GRID2: variants seen among roughly 807,000 people sequenced by gnomAD.
GRID2 encodes glutamate ionotropic receptor delta type subunit 2, also known as glutamate receptor ionotropic, delta-2.
GRID2 carries 33 observed loss-of-function variants against 114.8 expected under a neutral mutation model. That is an observed-to-expected ratio of 0.29 (90% CI 0.22 to 0.38). The LOEUF (loss-of-function observed/expected upper bound fraction) is 0.38, where lower values mean the gene tolerates loss of function less well. Ranked by LOEUF, GRID2 falls within the 10% of genes least tolerant of loss-of-function variation. The probability of loss-of-function intolerance (pLI) is 1.00; values close to 1 mark genes in which losing one functional copy is unlikely to be tolerated. For missense variants in GRID2, 1,184 were observed against 1,257.7 expected (o/e 0.94, Z 0.89); for synonymous variants, 505 against 449.9 (o/e 1.12, Z -1.55).
At chr4:93,766,784 G>C (rs866727374) in intron 14 of GRID2, among the ~76,000 whole-genome samples, 4 of 152,090 alleles carry the variant, frequency 2.6e-5, no homozygotes, top group African/African-American at 9.7e-5. Flanking sequence ...TAAGGGATGT[G>C]CCATTATTTT....
chr4:93,014,519 C>G (rs2149236858), intron 2 of GRID2, among the ~76,000 whole-genome samples: 1 of 152,060 alleles, frequency 6.6e-6, no homozygotes, highest in East Asian at 1.9e-4. Context: ...CAATCCAGGC[C>G]CCCACAGAAA....
intron 13 of GRID2, among the ~76,000 whole-genome samples, chr4:93,599,122 CT>C (rs1301175196): frequency 2.0e-5 from 3 of 152,212 alleles, no homozygotes; most frequent in Non-Finnish European, 4.4e-5. Context: ...TCTCCTTTCA[CT>C]TCTGGTCTGA....
rs1038885004 is a variant in GRID2, at chr4:92,965,342, G to A, written c.245-119653G>A. On this transcript the variant is annotated intron_variant, in intron 2 of 15. Coordinates refer to ENST00000282020, the MANE Select transcript of GRID2 (RefSeq NM_001510.4). Reference sequence around the variant, plus strand: ...ACAATGAAAAAGTTTGAAATATATTGAGAATTACCAAAGTGTGACACAGAG... The same window carrying A: ...ACAATGAAAAAGTTTGAAATATATTAAGAATTACCAAAGTGTGACACAGAG... 2.0e-5 allele frequency among the ~76,000 whole-genome samples: 3 copies of A among 150,708 alleles called. No homozygotes were observed. In the East Asian group the frequency reaches 5.9e-4, roughly 30 times the overall value.
intron 8 of GRID2, among the ~76,000 whole-genome samples, chr4:93,337,782 C>T (rs747390803): frequency 1.3e-5 from 2 of 152,140 alleles, no homozygotes; most frequent in Non-Finnish European, 2.9e-5. Context: ...TAAATTTAAA[C>T]GTTTGCTTTA....
chr4:92,936,063 A>C (rs1156376291), intron 2 of GRID2, among the ~76,000 whole-genome samples: 2 of 145,316 alleles, frequency 1.4e-5, no homozygotes, highest in African/African-American at 4.9e-5. Flanking sequence ...AAGAAATTTA[A>C]ATGCTGTCTA....
At chr4:92,946,146 G>C (rs1560731971) in intron 2 of GRID2, among the ~76,000 whole-genome samples, 1 of 152,026 alleles carries the variant, frequency 6.6e-6, no homozygotes, top group Admixed American at 6.6e-5. Context: ...TCCTTAAAAT[G>C]ATTCATTGAC....
chr4:93,041,881 C>CAT (rs1251171641), intron 2 of GRID2, among the ~76,000 whole-genome samples: 1 of 151,876 alleles, frequency 6.6e-6, no homozygotes, highest in Non-Finnish European at 1.5e-5. Context: ...AATATACACA[C>CAT]ATATATATTT....
rs1193482512 is a variant in GRID2 at position 92,935,897 on chromosome 4, T to A, written c.245-149098T>A. ...CTGGGGACTGTTGTGGGGTGGGGGCTGGGGGGAGGGATAGCATTAAGAGAT... is the reference window on the plus strand; with the variant it reads ...CTGGGGACTGTTGTGGGGTGGGGGCAGGGGGGAGGGATAGCATTAAGAGAT... On this transcript the variant is annotated intron_variant, in intron 2 of 15. Coordinates refer to ENST00000282020, the MANE Select transcript of GRID2 (RefSeq NM_001510.4). 3.5e-5 allele frequency among the ~76,000 whole-genome samples: 2 copies of A among 57,438 alleles called. 1 individual carries two copies. The highest frequency in any genetic ancestry group is 5.0e-4 in the Admixed American group (2 of 4,028). The allele number at this position is 57,438 out of a possible 152,430, so 37.7% of individuals were successfully genotyped here. A position where few individuals can be genotyped will look rare whatever the true frequency, so the allele number is the denominator to read the frequency against.
chr4:93,264,876 A>G (rs1444600764), intron 8 of GRID2, among the ~76,000 whole-genome samples: 2 of 151,186 alleles, frequency 1.3e-5, no homozygotes, highest in Non-Finnish European at 2.9e-5. Flanking sequence ...TCTGCCTCCC[A>G]GATTCAAGTG....
chr4:93,345,672 C>T (rs1179933493), intron 8 of GRID2, among the ~76,000 whole-genome samples: 8 of 151,722 alleles, frequency 5.3e-5, no homozygotes, highest in South Asian at 2.1e-4. Flanking sequence ...GTTTTGTTGC[C>T]GTTACCTGTG....
At chr4:92,848,905 T>G in intron 2 of GRID2, among the ~76,000 whole-genome samples, 1 of 151,878 alleles carries the variant, frequency 6.6e-6, no homozygotes, top group East Asian at 1.9e-4. Flanking sequence ...AGTGGACATC[T>G]GCAAGCCAAA....
At chr4:92,958,218 T>C (rs1166449680) in intron 2 of GRID2, among the ~76,000 whole-genome samples, 1 of 152,072 alleles carries the variant, frequency 6.6e-6, no homozygotes, top group Non-Finnish European at 1.5e-5. Context: ...CTTGCCTACT[T>C]CCTGATCTTA....
intron 4 of GRID2, among the ~76,000 whole-genome samples, chr4:93,155,753 G>A (rs1341687832): frequency 1.3e-5 from 2 of 151,696 alleles, no homozygotes; most frequent in South Asian, 2.1e-4. Flanking sequence ...AACACAAAGG[G>A]GACAGGCAAT....
chr4:93,565,557 A>G (rs1225317605), intron 13 of GRID2, among the ~76,000 whole-genome samples: 1 of 152,212 alleles, frequency 6.6e-6, no homozygotes, highest in African/African-American at 2.4e-5. Context: ...AATAAAAGAA[A>G]ATACATTCTA....
intron 8 of GRID2, among the ~76,000 whole-genome samples, chr4:93,242,471 T>C (rs1455708684): frequency 1.3e-5 from 2 of 152,024 alleles, no homozygotes; most frequent in African/African-American, 4.8e-5. Flanking sequence ...TTTTGTATTG[T>C]GTTGCTTTGT....
chr4:93,096,023 A>G (rs531659301), intron 3 of GRID2, among the ~76,000 whole-genome samples: 1 of 151,988 alleles, frequency 6.6e-6, no homozygotes, highest in Non-Finnish European at 1.5e-5. Context: ...AGGATTGACA[A>G]ATAGATTCAT....
intron 1 of GRID2, among the ~76,000 whole-genome samples, chr4:92,353,812 G>T (rs1728188193): frequency 6.6e-6 from 1 of 151,888 alleles, no homozygotes; most frequent in African/African-American, 2.4e-5. Flanking sequence ...GTCATGCCCT[G>T]GTCACGCACA....
chr4:92,433,754 G>A (rs746426088), intron 1 of GRID2, among the ~76,000 whole-genome samples: 86 of 152,068 alleles, frequency 5.7e-4, no homozygotes, highest in Non-Finnish European at 1.1e-3. Context: ...TGTTCCTGTG[G>A]GGAGGATGAA....
At chr4:93,061,536 T>C (rs893480658) in intron 2 of GRID2, among the ~76,000 whole-genome samples, 14 of 152,238 alleles carry the variant, frequency 9.2e-5, no homozygotes, top group Admixed American at 5.9e-4. Context: ...CAAAGGGTAT[T>C]GACGTACAAT....
Sources: gnomAD v4.1 joint callset for allele counts (sites outside exome capture counted in the v4.1 genomes callset) on GRCh38, gnomAD v4.1.1 for gene constraint, MANE v1.5 for transcripts, NCBI Gene and HGNC (gene_info 2026-07-23, HGNC 2026-07-21) for gene names.